NTM: variants seen among roughly 807,000 people sequenced by gnomAD.
The protein encoded by NTM is neurotrimin.
In NTM, 13 loss-of-function variants were observed where a neutral mutation model predicts 42.1. The ratio of observed to expected loss-of-function variants is 0.31; its 90% CI spans 0.20 to 0.49. NTM has a LOEUF of 0.49. Among genes scored for constraint, NTM ranks in the 20% least tolerant of loss-of-function variants. NTM has a pLI of 0.99. For missense variants in NTM, 373 were observed against 452.8 expected (o/e 0.82, Z 1.60); for synonymous variants, 187 against 179.2 (o/e 1.04, Z -0.35).
intron 4 of NTM, among the ~76,000 whole-genome samples, chr11:132,290,122 T>C (rs1438151667): frequency 1.3e-5 from 2 of 152,238 alleles, no homozygotes; most frequent in Non-Finnish European, 2.9e-5. Context: ...CTCTCATATA[T>C]TTCATTTATG....
chr11:131,490,222 T>A (rs563075004), intron 1 of NTM, among the ~76,000 whole-genome samples: 3 of 152,154 alleles, frequency 2.0e-5, no homozygotes, highest in Non-Finnish European at 4.4e-5. Flanking sequence ...GGAAATCAAA[T>A]GTCAACATGA....
At chr11:131,717,954 T>C (rs1379068719) in intron 1 of NTM, among the ~76,000 whole-genome samples, 1 of 152,222 alleles carries the variant, frequency 6.6e-6, no homozygotes, top group Non-Finnish European at 1.5e-5. Flanking sequence ...CTTTCGTCTT[T>C]ATTAAGATAA....
chr11:132,145,536 G>T (rs2070195129), intron 2 of NTM, among the ~76,000 whole-genome samples: 2 of 152,152 alleles, frequency 1.3e-5, no homozygotes, highest in African/African-American at 4.8e-5. Flanking sequence ...AGAGAAGGGA[G>T]ATTCCACAAT....
Position 131,994,617 on chromosome 11 carries a change from T to A in NTM, c.167+82969T>A, listed in dbSNP as rs532403225. Among the ~76,000 whole-genome samples the A allele has an allele frequency of 2.1e-4, 32 of 152,288 alleles. No homozygotes were observed. In the South Asian group the frequency reaches 6.4e-3, roughly 31 times the overall value. ...TTGTCTGTTTTTTTATATGCTCGTA[T>A]TTTTCAGGGTTTCATCATAAGCACA... On this transcript the variant is annotated intron_variant, in intron 2 of 8. Coordinates refer to ENST00000683400, the MANE Select transcript of NTM (RefSeq NM_001352005.2).
intron 1 of NTM, among the ~76,000 whole-genome samples, chr11:131,715,287 C>A (rs1035076183): frequency 1.3e-5 from 2 of 152,124 alleles, no homozygotes; most frequent in Non-Finnish European, 2.9e-5. Context: ...CCAGATAAAT[C>A]ATAAGTTTCT....
rs563263253 is a variant in NTM, at chr11:131,556,522, G to T, written c.82+185634G>T. ...TAAAGTTTCTGTGCCTCAGTATTCT[G>T]CTCTGTAAAAAGACCACATAATAGC... On this transcript the variant is annotated intron_variant, in intron 1 of 8. Transcript: ENST00000683400. 2.7e-5 allele frequency among the ~76,000 whole-genome samples: 4 copies of T among 150,716 alleles called. No homozygotes were observed. The East Asian group carries it at 7.8e-4, about 29-fold the overall frequency.
chr11:131,420,143 T>A (rs1165185194), intron 1 of NTM, among the ~76,000 whole-genome samples: 2 of 152,168 alleles, frequency 1.3e-5, no homozygotes, highest in African/African-American at 4.8e-5. Flanking sequence ...GCAAACAAGA[T>A]GCCGCCTATG....
intron 2 of NTM, among the ~76,000 whole-genome samples, chr11:132,096,902 T>C (rs1262208769): frequency 6.6e-6 from 1 of 152,032 alleles, no homozygotes; most frequent in African/African-American, 2.4e-5. Flanking sequence ...GCCCTGGGAG[T>C]GTACAGTCTA....
chr11:131,451,390 C>G (rs1438463753), intron 1 of NTM, among the ~76,000 whole-genome samples: 2 of 152,164 alleles, frequency 1.3e-5, no homozygotes, highest in Non-Finnish European at 2.9e-5. Flanking sequence ...CCATCAGGTG[C>G]TAATTATGCA....
intron 1 of NTM, among the ~76,000 whole-genome samples, chr11:131,469,325 G>A (rs1186629893): frequency 6.6e-6 from 1 of 152,142 alleles, no homozygotes; most frequent in Non-Finnish European, 1.5e-5. Flanking sequence ...TAATTCTCAG[G>A]ATACATATAT....
intron 1 of NTM, among the ~76,000 whole-genome samples, chr11:131,437,465 C>T (rs529327847): frequency 4.5e-4 from 69 of 152,310 alleles, no homozygotes; most frequent in African/African-American, 1.6e-3. Context: ...AATCTGAGTG[C>T]TCCTGTGTTG....
chr11:132,084,946 G>T (rs564115432), intron 2 of NTM, among the ~76,000 whole-genome samples: 9 of 152,302 alleles, frequency 5.9e-5, no homozygotes, highest in African/African-American at 2.2e-4. Context: ...TGAGATTCTT[G>T]TAAATCTTTT....
chr11:132,095,923 G>T (rs2060925047), intron 2 of NTM, among the ~76,000 whole-genome samples: 1 of 152,206 alleles, frequency 6.6e-6, no homozygotes, highest in African/African-American at 2.4e-5. Context: ...GTCAGCTGCG[G>T]ACACTTTGGA....
At chr11:131,604,059 G>A (rs1395063124) in intron 1 of NTM, among the ~76,000 whole-genome samples, 2 of 152,076 alleles carry the variant, frequency 1.3e-5, no homozygotes, top group Non-Finnish European at 2.9e-5. Flanking sequence ...ACTAGGAGTG[G>A]GTCATATGAT....
intron 2 of NTM, among the ~76,000 whole-genome samples, chr11:132,101,360 C>T (rs560745914): frequency 6.6e-5 from 10 of 152,324 alleles, no homozygotes; most frequent in African/African-American, 2.4e-4. Context: ...GACCTTGTAA[C>T]TTGACCTCTT....
chr11:131,410,304 C>A (rs1171492704), intron 1 of NTM, among the ~76,000 whole-genome samples: 1 of 151,950 alleles, frequency 6.6e-6, no homozygotes, highest in Non-Finnish European at 1.5e-5. Flanking sequence ...AAGACACCAT[C>A]TCTATCAAAA....
At chr11:132,207,235 C>T (rs568838853) in intron 3 of NTM, among the ~76,000 whole-genome samples, 48 of 152,282 alleles carry the variant, frequency 3.2e-4, no homozygotes, top group African/African-American at 1.1e-3. Flanking sequence ...AGCCACTCCC[C>T]ATTGCTGGCA....
At chr11:131,783,168 T>C (rs2088496764) in intron 1 of NTM, among the ~76,000 whole-genome samples, 1 of 152,178 alleles carries the variant, frequency 6.6e-6, no homozygotes, top group Admixed American at 6.5e-5. Context: ...AAATCAAGTT[T>C]ATTTCTGTAT....
intron 2 of NTM, among the ~76,000 whole-genome samples, chr11:131,935,755 T>G (rs2134146978): frequency 6.6e-6 from 1 of 152,300 alleles, no homozygotes; most frequent in South Asian, 2.1e-4. Flanking sequence ...ACTAGTCTCC[T>G]TACCTGTAGA....
Sources: allele counts gnomAD v4.1 joint callset (sites outside exome capture counted in the v4.1 genomes callset), GRCh38; gene constraint gnomAD v4.1.1; transcripts MANE v1.5; gene names NCBI Gene and HGNC (gene_info 2026-07-23, HGNC 2026-07-21).